The following STPG4 variants were observed in gnomAD, a reference collection of about 807,000 sequenced individuals.
STPG4 encodes protein STPG4.
STPG4 carries 41 observed loss-of-function variants against 31.5 expected under a neutral mutation model. The observed-to-expected ratio is 1.30, with a 90% CI of 1.01 to 1.69. STPG4 has a LOEUF of 1.69. Ranked by LOEUF, STPG4 falls within the 40% of genes most tolerant of loss-of-function variation. The probability of loss-of-function intolerance (pLI) is 0.00; values close to 1 mark genes in which losing one functional copy is unlikely to be tolerated. For missense variants in STPG4, 375 were observed against 293.4 expected (o/e 1.28, Z -2.03); for synonymous variants, 141 against 103.0 (o/e 1.37, Z -2.24).
chr2:47,131,025 G>A (rs547636800), intron 3 of STPG4, among the ~76,000 whole-genome samples: 31 of 151,944 alleles, frequency 2.0e-4, no homozygotes, highest in African/African-American at 7.0e-4. Flanking sequence ...TGTTGCCCGG[G>A]CTGGTCTTGA....
intron 5 of STPG4, among the ~76,000 whole-genome samples, chr2:47,114,777 AT>A (rs150071281): frequency 0.089 from 13,556 of 151,586 alleles, 830 homozygotes; most frequent in Non-Finnish European, 0.12. Flanking sequence ...TTTTATTTTT[AT>A]TTTTTTTAAG....
chr2:47,094,582 G>T (rs1248619223), intron 5 of STPG4, among the ~76,000 whole-genome samples: 1 of 152,142 alleles, frequency 6.6e-6, no homozygotes, highest in Non-Finnish European at 1.5e-5. Context: ...AGGGATATAG[G>T]CAGAACCAAA....
rs183728428 is a variant in STPG4 at position 47,154,873 on chromosome 2, A to G, written c.81+298T>C. On this transcript the variant is annotated intron_variant, in intron 1 of 6. Coordinates refer to ENST00000445927, the MANE Select transcript of STPG4 (RefSeq NM_001163561.2). Reference sequence around the variant, plus strand: ...AAAGGGAAAGAAATCCAATCACCATATTAAAGCAGTTGTCCAGTTTAATTA... The same window carrying G: ...AAAGGGAAAGAAATCCAATCACCATGTTAAAGCAGTTGTCCAGTTTAATTA... 8.2e-4 allele frequency among the ~76,000 whole-genome samples: 125 copies of G among 152,340 alleles called. No individual in the cohort carries two copies. The East Asian group carries it at 9.1e-3, about 11-fold the overall frequency.
intron 3 of STPG4, among the ~76,000 whole-genome samples, chr2:47,135,678 C>T (rs1031893968): frequency 1.3e-5 from 2 of 152,202 alleles, no homozygotes; most frequent in African/African-American, 4.8e-5. Context: ...TGAACCACCA[C>T]GCCCAGCCTC....
At chr2:47,130,442 T>A (rs886756155) in intron 3 of STPG4, among the ~76,000 whole-genome samples, 182 bp from the exon 4 acceptor site, 1 of 152,232 alleles carries the variant, frequency 6.6e-6, no homozygotes, top group Non-Finnish European at 1.5e-5. Flanking sequence ...TTAACATAGA[T>A]TCGGTCTTCA....
intron 3 of STPG4, among the ~76,000 whole-genome samples, chr2:47,147,017 A>G (rs1415058968): frequency 2.0e-5 from 3 of 152,078 alleles, no homozygotes; most frequent in African/African-American, 4.8e-5. Context: ...GTGCGTGCTT[A>G]TAGTCCCAGC....
At chr2:47,140,295 G>A (rs1338150882) in intron 3 of STPG4, among the ~76,000 whole-genome samples, 1 of 152,176 alleles carries the variant, frequency 6.6e-6, no homozygotes, top group African/African-American at 2.4e-5. Flanking sequence ...TTGTTAGTAA[G>A]AGAGTGCCTG....
intron 3 of STPG4, among the ~76,000 whole-genome samples, chr2:47,146,402 C>G (rs747521759): frequency 6.6e-6 from 1 of 151,992 alleles, no homozygotes; most frequent in African/African-American, 2.4e-5. Context: ...CCAAGCTTGA[C>G]AAAACCAGGA....
chr2:47,111,013 T>C (rs1386207474), intron 5 of STPG4, among the ~76,000 whole-genome samples: 2 of 152,224 alleles, frequency 1.3e-5, no homozygotes, highest in African/African-American at 4.8e-5. Flanking sequence ...ATCATATCTT[T>C]GTATAGGTGA....
chr2:47,151,578 T>C (rs970559123), intron 2 of STPG4, 63 bp from the exon 3 acceptor site: 35 of 1,416,698 alleles, frequency 2.5e-5, no homozygotes, highest in Non-Finnish European at 3.4e-5. Context: ...AAAACACCAT[T>C]CTTGGATGGG....
chr2:47,091,777 T>C, intron 5 of STPG4, among the ~76,000 whole-genome samples: 1 of 152,224 alleles, frequency 6.6e-6, no homozygotes, highest in East Asian at 1.9e-4. Context: ...TATTTATTAT[T>C]TTGACCCAGC....
intron 5 of STPG4, among the ~76,000 whole-genome samples, chr2:47,120,363 A>G (rs1686242903): frequency 6.6e-6 from 1 of 152,022 alleles, no homozygotes; most frequent in Non-Finnish European, 1.5e-5. Context: ...CAAACTGGGG[A>G]CCAGCAGAAA....
Position 47,096,502 on chromosome 2 carries a change from A to C in STPG4, c.520-6128T>G, listed in dbSNP as rs115327540. Among the ~76,000 whole-genome samples, 479 of 152,350 alleles carry C rather than the reference A, an allele frequency of 3.1e-3. 5 individuals are homozygous for C. The highest frequency in any genetic ancestry group is 0.011 in the African/African-American group (455 of 41,568). ...AGTGTTAACTGGACTGTGCTGATTTAATTAGTAGAAAAGACCAAAGAACAG... is the reference window on the plus strand; with the variant it reads ...AGTGTTAACTGGACTGTGCTGATTTCATTAGTAGAAAAGACCAAAGAACAG... On this transcript the variant is annotated intron_variant, in intron 5 of 6. Coordinates refer to ENST00000445927, the MANE Select transcript of STPG4 (RefSeq NM_001163561.2).
Position 47,152,972 on chromosome 2 carries a change from C to T in STPG4, c.126G>A (p.Trp42Ter). ...ATGTACATACTGTTAATGCTATTCT[C>T]CACCATCCTTCTCTTTCAAAAGAGG... ...KTSSFEREGW[W>*]RIALTDTPIP... Residue 42 changes from tryptophan (W) to a stop codon, truncating the protein, a stop_gained, in exon 2 of 7, where the codon TGG becomes TGA. Coordinates refer to ENST00000445927, the MANE Select transcript of STPG4 (RefSeq NM_001163561.2). LOFTEE classifies it high-confidence loss of function. 1.2e-6 allele frequency: 2 copies of T among 1,610,780 alleles called. No individual in the cohort carries two copies. Among genetic ancestry groups the T allele is most frequent in the African/African-American group, 1.3e-5 (1 of 74,944 alleles).
In STPG4 at chr2:47,087,249, C is replaced by T. The variant is rs530397373; in HGVS notation, c.625-119G>A. On this transcript the variant is annotated intron_variant, in intron 6 of 6. Coordinates refer to ENST00000445927, the MANE Select transcript of STPG4 (RefSeq NM_001163561.2). Reference sequence around the variant, plus strand: ...AATTCCCCAAGGATGAAGACCAGGGCCACACCAGCCTGGGCTGAAGCCTGG... The same window carrying T: ...AATTCCCCAAGGATGAAGACCAGGGTCACACCAGCCTGGGCTGAAGCCTGG... 52 of 1,155,856 alleles carry T rather than the reference C, an allele frequency of 4.5e-5. 1 individual carries two copies. The South Asian group carries it at 7.3e-4, about 16-fold the overall frequency. 71.6% of individuals were successfully genotyped at this position (1,155,856 alleles called of 1,614,324 possible). A position where few individuals can be genotyped will look rare whatever the true frequency, so the allele number is the denominator to read the frequency against.
At chr2:47,129,393 C>T (rs1686427880) in intron 5 of STPG4, 1 of 153,316 alleles carries the variant, frequency 6.5e-6, no homozygotes, top group Admixed American at 6.5e-5. Flanking sequence ...GACTGCCTTT[C>T]AAGCTTATTT....
At chr2:47,126,138 T>G (rs190963855) in intron 5 of STPG4, among the ~76,000 whole-genome samples, 1 of 152,350 alleles carries the variant, frequency 6.6e-6, no homozygotes, top group Admixed American at 6.5e-5. Context: ...TGTAGTATAA[T>G]TTGAAGTCAG....
intron 3 of STPG4, among the ~76,000 whole-genome samples, chr2:47,149,980 T>A (rs1342851035): frequency 6.6e-6 from 1 of 152,208 alleles, no homozygotes; most frequent in Non-Finnish European, 1.5e-5. Context: ...GAAAGAGGAC[T>A]AAATTTTGGT....
intron 5 of STPG4, chr2:47,129,236 C>T (rs184081249): frequency 1.3e-5 from 2 of 152,760 alleles, no homozygotes; most frequent in East Asian, 1.9e-4. Context: ...GCAAGCTGTG[C>T]TGCCTGGGGC....
Sources: gnomAD v4.1 joint callset for allele counts (sites outside exome capture counted in the v4.1 genomes callset) on GRCh38, gnomAD v4.1.1 for gene constraint, MANE v1.5 for transcripts, NCBI Gene and HGNC (gene_info 2026-07-23, HGNC 2026-07-21) for gene names.